The following LRRC49 variants were observed in gnomAD, a reference collection of about 807,000 sequenced individuals.
The protein encoded by LRRC49 is leucine-rich repeat-containing protein 49.
A neutral mutation model predicts 83.3 loss-of-function variants in LRRC49; 50 were observed. That is an observed-to-expected ratio of 0.60 (90% CI 0.48 to 0.76). The LOEUF (loss-of-function observed/expected upper bound fraction) is 0.76, where lower values mean the gene tolerates loss of function less well. Ranked by LOEUF, LRRC49 falls within the 30% of genes least tolerant of loss-of-function variation. LRRC49 has a pLI of 0.00. For synonymous variants in LRRC49, 286 were observed against 283.3 expected (o/e 1.01, Z -0.10); for missense variants, 704 against 809.1 (o/e 0.87, Z 1.58).
chr15:70,881,863 T>C (rs2033272370), intron 2 of LRRC49: 1 of 152,238 alleles, frequency 6.6e-6, no homozygotes, highest in African/African-American at 2.4e-5. Context: ...TCTAAATTGA[T>C]TCCTTTGAAA....
At chr15:70,994,870 A>G (rs1378905800) in intron 11 of LRRC49, among the ~76,000 whole-genome samples, 1 of 152,232 alleles carries the variant, frequency 6.6e-6, no homozygotes. Context: ...TTTCAGAAGA[A>G]TTAACATTGT....
intron 7 of LRRC49, among the ~76,000 whole-genome samples, chr15:70,930,921 T>C (rs1294178247): frequency 6.6e-6 from 1 of 152,240 alleles, no homozygotes. Flanking sequence ...CTTAAGAGAA[T>C]ACTGTGGCTG....
At chr15:70,907,676 A>C (rs2034373398) in intron 5 of LRRC49, among the ~76,000 whole-genome samples, 1 of 152,210 alleles carries the variant, frequency 6.6e-6, no homozygotes, top group Non-Finnish European at 1.5e-5. Context: ...CTAAGCCTTC[A>C]TATAGGTCCT....
intron 2 of LRRC49, chr15:70,882,864 A>C: frequency 6.2e-7 from 1 of 1,614,202 alleles, no homozygotes; most frequent in Non-Finnish European, 8.5e-7. Context: ...TAGATGGATT[A>C]TCAGCATGGG....
At chr15:70,879,450 C>G (rs2141082202) in intron 2 of LRRC49, among the ~76,000 whole-genome samples, 1 of 152,286 alleles carries the variant, frequency 6.6e-6, no homozygotes, top group East Asian at 1.9e-4. Flanking sequence ...AAATTGTTAA[C>G]TTCTTCCTAA....
intron 10 of LRRC49, among the ~76,000 whole-genome samples, chr15:70,980,896 C>A (rs1020200145): frequency 2.0e-5 from 3 of 151,806 alleles, no homozygotes; most frequent in Non-Finnish European, 2.9e-5. Context: ...ACTCAGAATT[C>A]AAAAAAATGA....
At chr15:70,910,868 T>A (rs2034522284) in intron 5 of LRRC49, among the ~76,000 whole-genome samples, 1 of 152,200 alleles carries the variant, frequency 6.6e-6, no homozygotes, top group Admixed American at 6.5e-5. Context: ...AGAGATTTTT[T>A]AAAAATATAA....
intron 8 of LRRC49, among the ~76,000 whole-genome samples, chr15:70,952,188 T>C (rs767404342): frequency 5.3e-5 from 8 of 151,958 alleles, no homozygotes; most frequent in Admixed American, 6.6e-5. Context: ...TTTTTACATC[T>C]GTGTTCATCA....
chr15:70,892,250 G>A (rs752850330), upstream of LRRC49: 4 of 1,579,990 alleles, frequency 2.5e-6, no homozygotes, highest in African/African-American at 5.4e-5. Context: ...GCCGCAGTGG[G>A]CGGCCACACA....
At chr15:70,979,012 G>A (rs184560371) in intron 9 of LRRC49, among the ~76,000 whole-genome samples, 1 of 152,198 alleles carries the variant, frequency 6.6e-6, no homozygotes, top group African/African-American at 2.4e-5. Flanking sequence ...TGTCTCTGAA[G>A]ATGTTTTCAA....
chr15:70,916,344 G>C (rs1463509015), intron 6 of LRRC49, among the ~76,000 whole-genome samples: 1 of 152,042 alleles, frequency 6.6e-6, no homozygotes, highest in Non-Finnish European at 1.5e-5. Context: ...GCCCAGGCTG[G>C]AGTGCAGTGG....
chr15:70,885,200 T>C (rs2033373461), intron 2 of LRRC49, among the ~76,000 whole-genome samples: 1 of 152,048 alleles, frequency 6.6e-6, no homozygotes. Context: ...AAAGAAAATA[T>C]CTAGAACAAG....
At chr15:71,042,334 A>G (rs1235473462) in intron 15 of LRRC49, among the ~76,000 whole-genome samples, 1 of 152,156 alleles carries the variant, frequency 6.6e-6, no homozygotes, top group African/African-American at 2.4e-5. Flanking sequence ...TTAAAGTGAT[A>G]TGAGCAATAA....
intron 8 of LRRC49, among the ~76,000 whole-genome samples, chr15:70,942,217 G>A (rs996482600): frequency 2.0e-5 from 3 of 152,254 alleles, no homozygotes; most frequent in Middle Eastern, 3.4e-3. Context: ...TCATAGCAGT[G>A]AGTTAGCAGT....
upstream of LRRC49, chr15:70,892,676 G>A (rs984552942): frequency 2.1e-6 from 3 of 1,450,242 alleles, no homozygotes; most frequent in South Asian, 2.9e-5. Flanking sequence ...AAAATAGAAC[G>A]AGGAAGTGGT....
At position 70,911,565 on chromosome 15, in the gene LRRC49, A is replaced by G. The variant is rs368122143; in HGVS notation, c.534A>G (p.Lys178=). ...IKKISNLENL[K]SLDVLDLHGN... ...AAATCTCAAATCTGGAGAATCTAAA[A>G]AGCTTAGATGTCTTGGATCTTCATG... Residue 178 remains lysine (K), a synonymous_variant, in exon 6 of 16, where the codon AAA becomes AAG. Coordinates refer to ENST00000260382, the MANE Select transcript of LRRC49 (RefSeq NM_017691.5). 2.5e-6 allele frequency: 4 copies of G among 1,583,490 alleles called. No individual in the cohort carries two copies. The South Asian group carries it at 3.5e-5, about 14-fold the overall frequency.
Position 71,044,977 on chromosome 15 carries a change from C to T in LRRC49, c.1858-4432C>T, listed in dbSNP as rs559250848. Among the ~76,000 whole-genome samples, 14 of 148,696 alleles carry T rather than the reference C, an allele frequency of 9.4e-5. No individual in the cohort carries two copies. In the South Asian group the frequency reaches 2.8e-3, roughly 30 times the overall value. On this transcript the variant is annotated intron_variant, in intron 15 of 15. Transcript: ENST00000260382. ...TGTGATCTTGGCTCACTGCAAGCTC[C>T]GCCTCCCAGGTTCATGCCATTTCCT...
At chr15:70,869,119 T>C (rs925400537) in intron 1 of LRRC49, among the ~76,000 whole-genome samples, 3 of 152,132 alleles carry the variant, frequency 2.0e-5, no homozygotes, top group African/African-American at 4.8e-5. Context: ...AAAATTTTAA[T>C]GATAAAAAGA....
At chr15:70,913,463 G>A (rs558103859) in intron 6 of LRRC49, among the ~76,000 whole-genome samples, 7 of 152,270 alleles carry the variant, frequency 4.6e-5, no homozygotes, top group Non-Finnish European at 8.8e-5. Flanking sequence ...GTCCAACAGA[G>A]GGGAAGTTAT....
Sources: gnomAD v4.1 joint callset for allele counts (sites outside exome capture counted in the v4.1 genomes callset) on GRCh38, gnomAD v4.1.1 for gene constraint, MANE v1.5 for transcripts, NCBI Gene and HGNC (gene_info 2026-07-23, HGNC 2026-07-21) for gene names.